MAB21L3: variants seen among roughly 807,000 people sequenced by gnomAD.
MAB21L3 encodes protein mab-21-like 3.
Under a neutral mutation model 37.7 loss-of-function variants are expected in MAB21L3, and 36 were observed. The observed-to-expected ratio is 0.96, with a 90% CI of 0.73 to 1.26. The LOEUF is 1.26. Ranked by LOEUF, MAB21L3 falls within the 50% of genes most tolerant of loss-of-function variation. The probability of loss-of-function intolerance (pLI) is 0.00; values close to 1 mark genes in which losing one functional copy is unlikely to be tolerated. For synonymous variants in MAB21L3, 186 were observed against 176.8 expected (o/e 1.05, Z -0.41); for missense variants, 430 against 447.3 (o/e 0.96, Z 0.35).
chr1:116,127,425 A>G (rs1557932887), intron 5 of MAB21L3, 41 bp from the exon 6 acceptor site: 2 of 1,590,518 alleles, frequency 1.3e-6, no homozygotes, highest in Admixed American at 1.7e-5. Flanking sequence ...TAATGTGCAA[A>G]CCTTTCTCTT....
chr1:116,133,076 A>G, intron 7 of MAB21L3, 56 bp from the exon 8 acceptor site: 1 of 1,423,630 alleles, frequency 7.0e-7, no homozygotes, highest in Non-Finnish European at 9.8e-7. Flanking sequence ...ATTGTTTCCA[A>G]GCTATCCTCC....
intron 7 of MAB21L3, among the ~76,000 whole-genome samples, chr1:116,131,419 G>A (rs1008304405): frequency 2.0e-5 from 3 of 152,210 alleles, no homozygotes; most frequent in Admixed American, 6.5e-5. Context: ...AGTCTGGAAA[G>A]GAAGGCAGGG....
chr1:116,117,676 C>T (rs1180609147), intron 3 of MAB21L3, among the ~76,000 whole-genome samples: 1 of 152,136 alleles, frequency 6.6e-6, no homozygotes, highest in East Asian at 1.9e-4. Flanking sequence ...TACTCATGCA[C>T]CTAAACAGTC....
chr1:116,121,955 A>G (rs1208527416), intron 4 of MAB21L3, among the ~76,000 whole-genome samples: 1 of 152,134 alleles, frequency 6.6e-6, no homozygotes, highest in Non-Finnish European at 1.5e-5. Flanking sequence ...TTCACTTTGT[A>G]TTAAATTTGT....
chr1:116,129,887 C>T, intron 7 of MAB21L3, among the ~76,000 whole-genome samples: 1 of 152,330 alleles, frequency 6.6e-6, no homozygotes, highest in East Asian at 1.9e-4. Context: ...CATTCACATG[C>T]ACTGGGGCTT....
chr1:116,122,532 C>A (rs1399075912), intron 4 of MAB21L3, among the ~76,000 whole-genome samples: 2 of 152,160 alleles, frequency 1.3e-5, no homozygotes, highest in African/African-American at 2.4e-5. Context: ...TAACTTAGAT[C>A]AAAATCAACA....
chr1:116,130,196 G>C (rs532744345), intron 7 of MAB21L3, among the ~76,000 whole-genome samples: 2 of 152,346 alleles, frequency 1.3e-5, no homozygotes, highest in South Asian at 4.1e-4. Context: ...ATTGAATGGG[G>C]CCACCATGGA....
At chr1:116,125,794 A>G in intron 5 of MAB21L3, among the ~76,000 whole-genome samples, 1 of 152,204 alleles carries the variant, frequency 6.6e-6, no homozygotes, top group East Asian at 1.9e-4. Flanking sequence ...AGATGAGGAA[A>G]CTGAGACTTA....
At chr1:116,121,497 T>C (rs1477622015) in intron 4 of MAB21L3, among the ~76,000 whole-genome samples, 3 of 152,242 alleles carry the variant, frequency 2.0e-5, no homozygotes, top group Non-Finnish European at 2.9e-5. Flanking sequence ...ACAGAGGCTT[T>C]TGATTCCAAA....
At chr1:116,127,219 A>G (rs1289344357) in intron 5 of MAB21L3, among the ~76,000 whole-genome samples, 1 of 152,134 alleles carries the variant, frequency 6.6e-6, no homozygotes, top group Non-Finnish European at 1.5e-5. Context: ...GAGAAAGAAA[A>G]ACTCACCAGC....
chr1:116,122,285 A>C (rs1318967351), intron 4 of MAB21L3, among the ~76,000 whole-genome samples: 1 of 152,202 alleles, frequency 6.6e-6, no homozygotes, highest in African/African-American at 2.4e-5. Flanking sequence ...GAATCCTGGA[A>C]TGCTAGAATA....
chr1:116,131,629 C>A (rs1660066600), intron 7 of MAB21L3, among the ~76,000 whole-genome samples: 1 of 152,178 alleles, frequency 6.6e-6, no homozygotes, highest in African/African-American at 2.4e-5. Context: ...ATTCTCCTGC[C>A]TTAGCCTCCC....
At chr1:116,126,501 C>T (rs1557932478) in intron 5 of MAB21L3, among the ~76,000 whole-genome samples, 1 of 152,134 alleles carries the variant, frequency 6.6e-6, no homozygotes, top group Non-Finnish European at 1.5e-5. Context: ...TGAGGCTCGG[C>T]TGGCTGAATG....
Position 116,133,800 on chromosome 1 carries a change from G to A in MAB21L3, c.*435G>A, listed in dbSNP as rs1308174841. On this transcript the variant is annotated 3_prime_UTR_variant, in exon 8 of 8. Coordinates refer to ENST00000369500, the MANE Select transcript of MAB21L3 (RefSeq NM_152367.3). ...CTCCTGCCATTTGTAAAATGGGAAT[G>A]TTAACGTGCCTACCTCTGAGCAGGG... 1 of 227,980 alleles carries A rather than the reference G, an allele frequency of 4.4e-6. No individual in the cohort carries two copies. Among genetic ancestry groups the A allele is most frequent in the African/African-American group, 2.3e-5 (1 of 43,884 alleles). 14.1% of individuals were successfully genotyped at this position (227,980 alleles called of 1,614,324 possible). A position where few individuals can be genotyped will look rare whatever the true frequency, so the allele number is the denominator to read the frequency against.
At chr1:116,116,445 A>T (rs571866321) in intron 3 of MAB21L3, among the ~76,000 whole-genome samples, 11 of 152,312 alleles carry the variant, frequency 7.2e-5, no homozygotes, top group Non-Finnish European at 1.5e-4. Flanking sequence ...TGTGCTTGTT[A>T]GATGCCAGAA....
rs1169972316 is a variant in MAB21L3, at chr1:116,137,845, T to C, written c.*4480T>C. ...GTAGGGACATGGGTGAAATTGGAAA[T>C]CATCATTCTCAGTAAACTATCGCAA... On this transcript the variant is annotated 3_prime_UTR_variant, in exon 8 of 8. Coordinates refer to ENST00000369500, the MANE Select transcript of MAB21L3 (RefSeq NM_152367.3). Among the ~76,000 whole-genome samples the C allele has an allele frequency of 2.0e-5, 3 of 151,244 alleles. No homozygotes were observed. The highest frequency in any genetic ancestry group is 4.9e-5 in the African/African-American group (2 of 41,002).
intron 3 of MAB21L3, among the ~76,000 whole-genome samples, chr1:116,115,894 A>G (rs140319052): frequency 6.6e-6 from 1 of 152,326 alleles, no homozygotes; most frequent in African/African-American, 2.4e-5. Context: ...TGGGAAGAGC[A>G]AGGCCCAAAC....
chr1:116,136,760 C>T lies in MAB21L3; in HGVS notation c.*3395C>T, dbSNP rs967850861. ...CTACAGTAACCAAAACAGCATGGTACTGGTACCAAAACAGGGATATAGATC... is the reference window on the plus strand; with the variant it reads ...CTACAGTAACCAAAACAGCATGGTATTGGTACCAAAACAGGGATATAGATC... On this transcript the variant is annotated 3_prime_UTR_variant, in exon 8 of 8. Transcript: ENST00000369500. 2.2e-4 allele frequency among the ~76,000 whole-genome samples: 33 copies of T among 151,860 alleles called. No individual in the cohort carries two copies. The highest frequency in any genetic ancestry group is 1.9e-3 in the Admixed American group (29 of 15,256).
chr1:116,115,522 GA>G (rs1286328925), intron 3 of MAB21L3, among the ~76,000 whole-genome samples: 1 of 152,108 alleles, frequency 6.6e-6, no homozygotes, highest in Non-Finnish European at 1.5e-5. Flanking sequence ...TTGTTTTCTG[GA>G]AGGAAGTCCT....
Sources: gnomAD v4.1 joint callset for allele counts (sites outside exome capture counted in the v4.1 genomes callset) on GRCh38, gnomAD v4.1.1 for gene constraint, MANE v1.5 for transcripts, NCBI Gene and HGNC (gene_info 2026-07-23, HGNC 2026-07-21) for gene names.